Variants in CYRIB observed in about 807,000 individuals in gnomAD.
CYRIB encodes CYFIP-related Rac1 interactor B.
A neutral mutation model predicts 44.2 loss-of-function variants in CYRIB; 8 were observed. The observed-to-expected ratio is 0.18, with a 90% confidence interval of 0.11 to 0.33. The LOEUF is 0.33. Ranked by LOEUF, CYRIB falls within the 10% of genes least tolerant of loss-of-function variation. The pLI is 1.00. For missense variants in CYRIB, 185 were observed against 382.8 expected, an observed-to-expected ratio of 0.48 and a Z score of 4.31; for synonymous variants, 131 against 127.2, an observed-to-expected ratio of 1.03 and a Z score of -0.20.
intron 2 of CYRIB, among the ~76,000 whole-genome samples, chr8:129,954,028 C>T (rs2094646281): frequency 6.6e-6 from 1 of 152,068 alleles, no homozygotes; most frequent in South Asian, 2.1e-4. Context: ...GTTTAGCAAG[C>T]TTCCCTTCTA....
intron 3 of CYRIB, among the ~76,000 whole-genome samples, chr8:129,871,918 TAA>T (rs986505011): frequency 7.2e-5 from 11 of 152,308 alleles, no homozygotes; most frequent in African/African-American, 2.6e-4. Flanking sequence ...ATGTATAGTT[TAA>T]GACAAACTAT....
chr8:129,872,648 TG>T (rs1266109399), intron 3 of CYRIB, among the ~76,000 whole-genome samples: 1 of 152,004 alleles, frequency 6.6e-6, no homozygotes, highest in Non-Finnish European at 1.5e-5. Flanking sequence ...TAGAGAAAAA[TG>T]ACTGGCAGAA....
chr8:129,863,364 A>C (rs1377199638), intron 4 of CYRIB, among the ~76,000 whole-genome samples: 1 of 152,108 alleles, frequency 6.6e-6, no homozygotes, highest in East Asian at 1.9e-4. Flanking sequence ...GTCTCTACCA[A>C]AAATACAAAA....
At chr8:129,953,795 G>A (rs2094629246) in intron 2 of CYRIB, among the ~76,000 whole-genome samples, 1 of 152,198 alleles carries the variant, frequency 6.6e-6, no homozygotes, top group South Asian at 2.1e-4. Flanking sequence ...GCAAGACAAG[G>A]AGGTAAGATT....
At chr8:129,859,464 T>A (rs2048123356) in intron 5 of CYRIB, among the ~76,000 whole-genome samples, 1 of 151,788 alleles carries the variant, frequency 6.6e-6, no homozygotes, top group Non-Finnish European at 1.5e-5. Context: ...TTCTCTAAAC[T>A]CCCCCGGGGA....
At chr8:129,864,067 G>C (rs1049285724) in intron 4 of CYRIB, among the ~76,000 whole-genome samples, 6 of 152,206 alleles carry the variant, frequency 3.9e-5, no homozygotes, top group Non-Finnish European at 7.3e-5. Flanking sequence ...CGGATGCTCT[G>C]AACAAATTAG....
At chr8:129,913,125 C>T (rs1347087882) in intron 1 of CYRIB, among the ~76,000 whole-genome samples, 10 of 152,052 alleles carry the variant, frequency 6.6e-5, no homozygotes, top group Admixed American at 5.9e-4. Context: ...GCGCCGGCCA[C>T]CACGCCCGGC....
At chr8:130,005,879 AT>A (rs1046269828) in intron 1 of CYRIB, among the ~76,000 whole-genome samples, 2 of 151,848 alleles carry the variant, frequency 1.3e-5, no homozygotes, top group Non-Finnish European at 2.9e-5. Flanking sequence ...TGTCCTTTCC[AT>A]CTCACACCAG....
intron 1 of CYRIB, among the ~76,000 whole-genome samples, chr8:129,923,167 T>A: frequency 6.7e-6 from 1 of 149,682 alleles, no homozygotes; most frequent in Admixed American, 6.7e-5. Context: ...CGCTTGAACC[T>A]GGGAGGCAGA....
upstream of CYRIB, among the ~76,000 whole-genome samples, chr8:129,944,124 A>T (rs886523807): frequency 2.6e-5 from 4 of 152,052 alleles, no homozygotes; most frequent in Non-Finnish European, 4.4e-5. Context: ...CTTCTAACCA[A>T]GGGAGACACA....
At chr8:130,013,075 G>A (rs1178968468) in intron 1 of CYRIB, among the ~76,000 whole-genome samples, 1 of 152,204 alleles carries the variant, frequency 6.6e-6, no homozygotes, top group Non-Finnish European at 1.5e-5. Flanking sequence ...AAAACAGAGA[G>A]ATGAATCTGG....
intron 11 of CYRIB, among the ~76,000 whole-genome samples, chr8:129,846,593 A>G (rs1412113499): frequency 2.6e-5 from 4 of 152,226 alleles, no homozygotes; most frequent in Non-Finnish European, 5.9e-5. Flanking sequence ...TGAAGCTGCT[A>G]TTGTCATGTG....
At chr8:129,954,433 G>C (rs975761903) in intron 2 of CYRIB, among the ~76,000 whole-genome samples, 9 of 152,042 alleles carry the variant, frequency 5.9e-5, no homozygotes, top group Non-Finnish European at 1.3e-4. Context: ...ATGTTGGCCA[G>C]GCTGGTCTCG....
chr8:129,854,965 AAGAAAC>A (rs1294965378), intron 6 of CYRIB, among the ~76,000 whole-genome samples: 1 of 152,228 alleles, frequency 6.6e-6, no homozygotes, highest in Admixed American at 6.5e-5. Flanking sequence ...CAGAGGAAAA[AAGAAAC>A]AGAAAGAAAG....
intron 4 of CYRIB, chr8:129,868,466 T>G (rs1042226798): frequency 6.6e-6 from 1 of 152,234 alleles, no homozygotes; most frequent in Admixed American, 6.5e-5. Flanking sequence ...CCCTTATATT[T>G]TGGTGTTCTT....
At chr8:129,932,979 A>C (rs926529352) in intron 1 of CYRIB, among the ~76,000 whole-genome samples, 2 of 152,184 alleles carry the variant, frequency 1.3e-5, no homozygotes, top group Non-Finnish European at 2.9e-5. Flanking sequence ...GTAGTTGTTC[A>C]CTATCCTCTG....
chr8:129,850,778 G>A, intron 9 of CYRIB, 57 bp downstream of exon 11: 3 of 1,203,060 alleles, frequency 2.5e-6, no homozygotes, highest in Non-Finnish European at 3.7e-6. Context: ...AACATGTTTT[G>A]AAATATCAGT....
At chr8:129,996,167 G>C (rs1217117472) in intron 1 of CYRIB, among the ~76,000 whole-genome samples, 2 of 152,180 alleles carry the variant, frequency 1.3e-5, no homozygotes, top group Non-Finnish European at 2.9e-5. Flanking sequence ...TTAGAGCTAA[G>C]AACCTAAAGA....
upstream of CYRIB, among the ~76,000 whole-genome samples, chr8:129,941,088 T>C (rs929954070): frequency 6.6e-6 from 1 of 152,108 alleles, no homozygotes; most frequent in Non-Finnish European, 1.5e-5. Flanking sequence ...GTATGTAACA[T>C]GGTGGGCATA....
Sources: allele counts gnomAD v4.1 joint callset (sites outside exome capture counted in the v4.1 genomes callset), GRCh38; gene constraint gnomAD v4.1.1; transcripts MANE v1.5; gene names NCBI Gene and HGNC (gene_info 2026-07-23, HGNC 2026-07-21).